Variants in KIAA1549 observed in about 807,000 individuals in gnomAD.
The protein encoded by KIAA1549 is UPF0606 protein KIAA1549.
KIAA1549 carries 70 observed loss-of-function variants against 156.4 expected under a neutral mutation model. That is an observed-to-expected ratio of 0.45 (90% CI 0.37 to 0.55). The LOEUF is 0.55. KIAA1549 is among the 20% of genes least tolerant of loss of function. The pLI is 0.00. For missense variants in KIAA1549, 2,428 were observed against 2,540.9 expected, an observed-to-expected ratio of 0.96 and a Z score of 0.96; for synonymous variants, 1,103 against 1,066.4, an observed-to-expected ratio of 1.03 and a Z score of -0.67.
intron 1 of KIAA1549, among the ~76,000 whole-genome samples, chr7:138,920,165 GCCCTTCCCA>G (rs1812523862): frequency 6.9e-6 from 1 of 145,240 alleles, no homozygotes. Flanking sequence ...CGCCTGGAAT[GCCCTTCCCA>G]GCTCTCTACA....
chr7:138,864,775 T>C (rs1038631903), intron 15 of KIAA1549, among the ~76,000 whole-genome samples: 2 of 152,156 alleles, frequency 1.3e-5, no homozygotes, highest in South Asian at 2.1e-4. Flanking sequence ...AGTGTCTGGA[T>C]TGGATGACAA....
chr7:138,857,605 T>C (rs942761730), intron 16 of KIAA1549, among the ~76,000 whole-genome samples: 1 of 152,362 alleles, frequency 6.6e-6, no homozygotes, highest in Non-Finnish European at 1.5e-5. Context: ...ATCACCATAA[T>C]TGTAGATTTA....
intron 10 of KIAA1549, among the ~76,000 whole-genome samples, chr7:138,884,740 G>T (rs1274334117): frequency 6.6e-6 from 1 of 152,178 alleles, no homozygotes; most frequent in Non-Finnish European, 1.5e-5. Flanking sequence ...GTGACTTTCG[G>T]TCTTTAGACA....
intron 6 of KIAA1549, among the ~76,000 whole-genome samples, chr7:138,906,098 G>A (rs909139825): frequency 4.6e-5 from 7 of 152,174 alleles, no homozygotes; most frequent in African/African-American, 7.2e-5. Flanking sequence ...AGTCAGGCAC[G>A]GTGGGTGAGC....
intron 11 of KIAA1549, among the ~76,000 whole-genome samples, chr7:138,881,139 C>T (rs536967224): frequency 1.3e-5 from 2 of 152,298 alleles, no homozygotes; most frequent in South Asian, 4.1e-4. Flanking sequence ...GACCCCTAAA[C>T]CATCACAGAT....
Position 138,919,355 on chromosome 7 carries a change from G to T in KIAA1549, c.271C>A (p.Gln91Lys). 6.2e-7 allele frequency: 1 copy of T among 1,614,064 alleles called. No homozygotes were observed. Among genetic ancestry groups the T allele is most frequent in the Non-Finnish European group, 8.5e-7 (1 of 1,179,902 alleles). ...GGAGCAGTTTCTGTTAAGGCCACTT[G>T]TGCAGCGCTGTGCCCAGTGCTTTTC... The part of the protein sequence containing the change: ...LKKSTGHSAA[Q>K]VALTETAPGS... Residue 91 changes from glutamine (Q) to lysine (K), a missense_variant, in exon 2 of 20, where the codon CAA becomes AAA. Transcript: ENST00000422774.
chr7:138,976,287 G>C (rs1233803638), intron 1 of KIAA1549, among the ~76,000 whole-genome samples: 1 of 152,124 alleles, frequency 6.6e-6, no homozygotes, highest in East Asian at 1.9e-4. Flanking sequence ...ATGTTGGCCA[G>C]GCTGGTCTCC....
At chr7:138,877,112 T>C (rs1289605380) in intron 12 of KIAA1549, among the ~76,000 whole-genome samples, 1 of 152,166 alleles carries the variant, frequency 6.6e-6, no homozygotes, top group African/African-American at 2.4e-5. Context: ...GGCTCCATAA[T>C]GGATCTCAAG....
chr7:138,918,321 C>G lies in KIAA1549; in HGVS notation c.1305G>C (p.Thr435=), dbSNP rs530422234. 1.2e-6 allele frequency: 2 copies of G among 1,613,874 alleles called. No individual in the cohort carries two copies. The highest frequency in any genetic ancestry group is 1.7e-6 in the Non-Finnish European group (2 of 1,179,902). The change falls in exon 2 of 20, where the codon ACG becomes ACC. Residue 435 remains threonine (T), a synonymous_variant. Coordinates refer to ENST00000422774, the MANE Select transcript of KIAA1549 (RefSeq NM_001164665.2). The surrounding 1 kb of genome is among the most constrained non-coding windows in gnomAD (Gnocchi z 4.2). Reference sequence around the variant, plus strand: ...ATCCCACGTCTTTCTCCATGAGGCTCGTGGCCAGAACTTGCTGAGGTGAAG... The same window carrying G: ...ATCCCACGTCTTTCTCCATGAGGCTGGTGGCCAGAACTTGCTGAGGTGAAG... ...TVPSPQQVLA[T]SLMEKDVGSG...
intron 7 of KIAA1549, among the ~76,000 whole-genome samples, chr7:138,904,054 GC>G (rs1451967958): frequency 1.3e-5 from 2 of 152,176 alleles, no homozygotes; most frequent in African/African-American, 4.8e-5. Flanking sequence ...CACTGCAGGA[GC>G]TTTGGCGCAA....
At position 138,981,133 on chromosome 7, in the gene KIAA1549, A is replaced by G. The variant is rs1424489467; in HGVS notation, c.137T>C (p.Leu46Pro). Residue 46 changes from leucine (L) to proline (P), a missense_variant, in exon 1 of 20, where the codon CTT becomes CCT. Physicochemically the swap from Leu to Pro is moderately conservative, Grantham distance 98. Coordinates refer to ENST00000422774, the MANE Select transcript of KIAA1549 (RefSeq NM_001164665.2). The surrounding 1 kb of genome is among the most constrained non-coding windows in gnomAD (Gnocchi z 4.5). The stretch of plus-strand genomic sequence containing the variant: ...CAGCAGCAGCAGCCAGAGGCCAGGA[A>G]GCAGCAGCCCCGGGCGGCGGCGGCG... Reference protein sequence around the residue: ...CARRRRPGLLLPGLWLLLLAR... With the variant: ...CARRRRPGLLPPGLWLLLLAR... The G allele has an allele frequency of 8.2e-7, 1 of 1,219,478 alleles. No homozygotes were observed. The highest frequency in any genetic ancestry group is 1.0e-6 in the Non-Finnish European group (1 of 980,024). 75.5% of individuals were successfully genotyped at this position (1,219,478 alleles called of 1,614,324 possible).
intron 1 of KIAA1549, among the ~76,000 whole-genome samples, chr7:138,939,909 G>A (rs962944115): frequency 6.6e-6 from 1 of 152,158 alleles, no homozygotes; most frequent in African/African-American, 2.4e-5. Flanking sequence ...CACTCTGGCA[G>A]GCCCAAGCAG....
intron 1 of KIAA1549, among the ~76,000 whole-genome samples, chr7:138,979,457 T>C (rs948689214): frequency 6.6e-6 from 1 of 152,236 alleles, no homozygotes; most frequent in Non-Finnish European, 1.5e-5. Context: ...CTCAAAGCCT[T>C]AGTTTCCTCA....
intron 1 of KIAA1549, among the ~76,000 whole-genome samples, chr7:138,952,230 A>T (rs1308884481): frequency 6.6e-6 from 1 of 152,226 alleles, no homozygotes; most frequent in Non-Finnish European, 1.5e-5. Context: ...CAAGGTCAAG[A>T]GCCACTGGAC....
chr7:138,902,898 T>C (rs1025415366), intron 8 of KIAA1549, among the ~76,000 whole-genome samples: 15 of 152,148 alleles, frequency 9.9e-5, no homozygotes, highest in African/African-American at 3.4e-4. Flanking sequence ...AGAGAATTCA[T>C]GGGGAAAAAA....
chr7:138,938,184 C>T (rs1813073224), intron 1 of KIAA1549, among the ~76,000 whole-genome samples: 1 of 152,172 alleles, frequency 6.6e-6, no homozygotes, highest in African/African-American at 2.4e-5. Flanking sequence ...CTATGAGGAA[C>T]AAGCCCTCAC....
At chr7:138,962,163 T>C (rs1206795265) in intron 1 of KIAA1549, among the ~76,000 whole-genome samples, 1 of 152,212 alleles carries the variant, frequency 6.6e-6, no homozygotes, top group South Asian at 2.1e-4. Flanking sequence ...ATACAATTAA[T>C]ACATATCAAC....
intron 1 of KIAA1549, among the ~76,000 whole-genome samples, chr7:138,929,576 T>C (rs1471234048): frequency 6.6e-6 from 1 of 152,248 alleles, no homozygotes; most frequent in Non-Finnish European, 1.5e-5. Flanking sequence ...TTATGGCATC[T>C]AGAATGGTGA....
intron 2 of KIAA1549, among the ~76,000 whole-genome samples, chr7:138,912,716 C>T (rs1812204519): frequency 6.6e-6 from 1 of 151,922 alleles, no homozygotes; most frequent in African/African-American, 2.4e-5. Flanking sequence ...CTAAGAAAAC[C>T]CTCTTTGCCC....
Sources: gnomAD v4.1 joint callset for allele counts (sites outside exome capture counted in the v4.1 genomes callset) on GRCh38, gnomAD v4.1.1 for gene constraint, Gnocchi (gnomAD v3.1) non-coding constraint, MANE v1.5 for transcripts, NCBI Gene and HGNC (gene_info 2026-07-23, HGNC 2026-07-21) for gene names.